FLNA: variants seen among roughly 807,000 people sequenced by gnomAD.
FLNA encodes filamin A.
FLNA carries 7 observed loss-of-function variants against 157.6 expected under a neutral mutation model. That is an observed-to-expected ratio of 0.04 (90% CI 0.03 to 0.08). The LOEUF is 0.08. FLNA is among the 10% of genes least tolerant of loss of function. The probability of loss-of-function intolerance (pLI) is 1.00; values close to 1 mark genes in which losing one functional copy is unlikely to be tolerated. For synonymous variants in FLNA, 1,103 were observed against 1,060.8 expected (o/e 1.04, Z -0.77); for missense variants, 1,750 against 2,398.4 (o/e 0.73, Z 5.65).
intron 2 of FLNA, among the ~76,000 whole-genome samples, chrX:154,370,421 G>A (rs948154272): frequency 3.6e-5 from 4 of 112,304 alleles, no homozygotes; most frequent in African/African-American, 1.3e-4. Context: ...CAGACAATGG[G>A]ACGCACGAGC....
At chrX:154,357,046 G>T (rs1378693733) in intron 30 of FLNA, among the ~76,000 whole-genome samples, 1 of 112,121 alleles carries the variant, frequency 8.9e-6, no homozygotes, top group Non-Finnish European at 1.9e-5. Context: ...CCAGAGAGGG[G>T]AAGAGCTGGA....
At chrX:154,362,841 C>T (rs902391112) in intron 15 of FLNA, 57 bp from the exon 16 acceptor site, 185 of 1,135,591 alleles carry the variant, frequency 1.6e-4, no homozygotes, top group Middle Eastern at 3.1e-4. Context: ...GACTCAGAAG[C>T]TCCCTCAGCT....
At position 154,367,787 on chromosome X, in the gene FLNA, A is replaced by G. The variant is rs181247931; in HGVS notation, c.623-49T>C. 5.4e-4 allele frequency: 651 copies of G among 1,208,555 alleles called. 4 individuals are homozygous for G. In the African/African-American group the frequency reaches 9.6e-3, roughly 18 times the overall value. On this transcript the variant is annotated intron_variant, in intron 3 of 47. Transcript: ENST00000369850. ...GTCTGGGGGCCGCAGAACCCCCTCA[A>G]GGGCCACCCATGGGTGACCCCAGCC...
chrX:154,357,471 G>A lies in FLNA; in HGVS notation c.4908C>T (p.Ala1636=), dbSNP rs367979917. 1.0e-4 allele frequency: 127 copies of A among 1,209,567 alleles called. No homozygotes were observed. Among genetic ancestry groups the A allele is most frequent in the Non-Finnish European group, 1.3e-4 (113 of 894,206 alleles). Residue 1636 remains alanine (A), a synonymous_variant, in exon 29 of 48, where the codon GCC becomes GCT. Coordinates refer to ENST00000369850, the MANE Select transcript of FLNA (RefSeq NM_001110556.2). The part of the protein sequence containing the change: ...EIPFSPYRVR[A]VPTGDASKCT... ...ACTTGCTGGCGTCCCCGGTGGGCAC[G>A]GCACGCACGCGGTACGGGGAGAAGG...
rs1603362189 is a variant in FLNA, at chrX:154,364,012, G to A, written c.2280+10C>T. 1 of 1,210,140 alleles carries A rather than the reference G, an allele frequency of 8.3e-7. No homozygotes were observed. Among genetic ancestry groups the A allele is most frequent in the Admixed American group, 2.2e-5 (1 of 46,133 alleles). The stretch of plus-strand genomic sequence containing the variant: ...CGAGATGGACTAAAGGCCGGTGGAG[G>A]TTGGCTCACCCTGAAGGGGCTGTTG... On this transcript the variant is annotated intron_variant, in intron 15 of 47. Coordinates refer to ENST00000369850, the MANE Select transcript of FLNA (RefSeq NM_001110556.2).
Position 154,366,224 on chromosome X carries a change from C to G in FLNA, c.1229G>C (p.Gly410Ala). The change falls in exon 9 of 48, where the codon GGA becomes GCA. Residue 410 changes from glycine to alanine, a missense_variant and splice_region_variant. Gly to Ala is a moderately conservative substitution (Grantham distance 60). Around this residue, in one of 5 missense-constraint regions of FLNA, gnomAD observed 648 missense variants for 805.8 expected, o/e 0.80. Transcript: ENST00000369850. The stretch of plus-strand genomic sequence containing the variant: ...AACCTCGACCTCGCCCGTGCCAGCT[C>G]CTGCCACGAGGCACCTGCTCAGCTC... Reference protein sequence around the residue: ...KTTYFEIFTAGAGTGEVEVVI... With the variant: ...KTTYFEIFTAAAGTGEVEVVI... The G allele has an allele frequency of 8.3e-7, 1 of 1,211,081 alleles. No homozygotes were observed. The highest frequency in any genetic ancestry group is 1.1e-6 in the Non-Finnish European group (1 of 895,384).
chrX:154,350,504 C>T (rs990014476), intron 44 of FLNA: 2 of 403,645 alleles, frequency 5.0e-6, no homozygotes. Flanking sequence ...TGTTAACAGG[C>T]TCAGAGACGG....
chrX:154,359,287 G>A lies in FLNA; in HGVS notation c.4262C>T (p.Thr1421Ile), dbSNP rs782528716. 2 of 1,211,142 alleles carry A rather than the reference G, an allele frequency of 1.7e-6. No individual in the cohort carries two copies. The highest frequency in any genetic ancestry group is 3.0e-5 in the East Asian group (1 of 33,856). ...SVEYIPYEAG[T>I]YSLNVTYGGH... ...ACCATAGGTGACGTTGAGGCTGTAG[G>A]TGCCAGCCTCATAAGGGATGTACTC... is the stretch of plus-strand genomic sequence containing the variant. The change falls in exon 25 of 48, where the codon ACC (threonine) becomes ATC (isoleucine). Residue 1421 changes from threonine to isoleucine, a missense_variant. Physicochemically the swap from Thr to Ile is moderately conservative, Grantham distance 89 (BLOSUM62 -1). This residue lies in a region of FLNA where 970 missense variants were observed against 1,302.6 expected (regional missense o/e 0.74). Transcript: ENST00000369850.
In FLNA at chrX:154,354,637, G is replaced by A. The variant is rs1027131950; in HGVS notation, c.5292C>T (p.Ala1764=). ...SQQLAPQYTY[A]QGGQQTWAPE... Reference sequence around the variant, plus strand: ...GTACCCAAGTCTGCTGGCCGCCCTGGGCGTAGGTGTACTGTGGGGCCAGCT... The same window carrying A: ...GTACCCAAGTCTGCTGGCCGCCCTGAGCGTAGGTGTACTGTGGGGCCAGCT... Residue 1764 remains alanine (A), a synonymous_variant, in exon 32 of 48, where the codon GCC becomes GCT. Transcript: ENST00000369850. 11 of 1,203,782 alleles carry A rather than the reference G, an allele frequency of 9.1e-6. No individual in the cohort carries two copies. The highest frequency in any genetic ancestry group is 9.0e-5 in the East Asian group (3 of 33,459).
intron 21 of FLNA, 77 bp downstream of exon 21, chrX:154,361,230 TG>T (rs2067708780): frequency 2.0e-6 from 2 of 984,330 alleles, no homozygotes; most frequent in African/African-American, 2.0e-5. Flanking sequence ...AGGGCAGGTC[TG>T]GAGAAGATGG....
At chrX:154,360,775 G>A (rs1234278052) in intron 21 of FLNA, among the ~76,000 whole-genome samples, 188 bp from the exon 22 acceptor site, 3 of 111,483 alleles carry the variant, frequency 2.7e-5, no homozygotes, top group South Asian at 3.7e-4. Flanking sequence ...GGCAGGGCGC[G>A]GTCACTCACG....
In FLNA at chrX:154,362,348, G is replaced by A. The variant is rs782205075; in HGVS notation, c.2566-16C>T. On this transcript the variant is annotated splice_polypyrimidine_tract_variant and intron_variant, in intron 17 of 47. Coordinates refer to ENST00000369850, the MANE Select transcript of FLNA (RefSeq NM_001110556.2). ...TGGGCGTGGCCTGCAGGCAGTGGGA[G>A]GAGAAGGCCTTAGAGGAGGGCAGAC... The A allele has an allele frequency of 2.5e-6, 3 of 1,207,672 alleles. No homozygotes were observed. The Admixed American group carries it at 6.5e-5, about 26-fold the overall frequency.
chrX:154,348,772 G>T lies in FLNA; in HGVS notation c.*77C>A. On this transcript the variant is annotated 3_prime_UTR_variant, in exon 48 of 48. Coordinates refer to ENST00000369850, the MANE Select transcript of FLNA (RefSeq NM_001110556.2). Reference sequence around the variant, plus strand: ...CGGGCGGCCAGGGCGGCCTGGGCCGGGGTTGAGGGGAAGAGGGCGGGGCTG... The same window carrying T: ...CGGGCGGCCAGGGCGGCCTGGGCCGTGGTTGAGGGGAAGAGGGCGGGGCTG... 9.8e-7 allele frequency: 1 copy of T among 1,015,300 alleles called. No individual in the cohort carries two copies. Among genetic ancestry groups the T allele is most frequent in the Non-Finnish European group, 1.3e-6 (1 of 742,712 alleles). 83.7% of individuals were successfully genotyped at this position (1,015,300 alleles called of 1,213,427 possible).
intron 30 of FLNA, among the ~76,000 whole-genome samples, chrX:154,355,871 TGTGAGGCCTGGCA>T (rs1943836634): frequency 8.9e-6 from 1 of 112,805 alleles, no homozygotes; most frequent in Non-Finnish European, 1.9e-5. Context: ...GGCTGTGGGC[TGTGAGGCCTGGCA>T]GTGAGAGTGC....
intron 14 of FLNA, 31 bp from the exon 15 acceptor site, chrX:154,364,196 T>C (rs1403223911): frequency 8.3e-7 from 1 of 1,210,848 alleles, no homozygotes; most frequent in African/African-American, 1.7e-5. Flanking sequence ...GGTGGCCTGC[T>C]GGTCAGTGCC....
At position 154,358,093 on chromosome X, in the gene FLNA, G is replaced by A; in HGVS notation, c.4755+106C>T. ...AAAGACAGGGGCCCTGTCCTTCCCT[G>A]CCCTCCTTGGTGCAGCTCCGCAGGG... On this transcript the variant is annotated intron_variant, in intron 28 of 47. Coordinates refer to ENST00000369850, the MANE Select transcript of FLNA (RefSeq NM_001110556.2). 4 of 929,906 alleles carry A rather than the reference G, an allele frequency of 4.3e-6. No homozygotes were observed. The South Asian group carries it at 5.9e-5, about 14-fold the overall frequency. 76.6% of individuals were successfully genotyped at this position (929,906 alleles called of 1,213,427 possible).
At chrX:154,368,124 G>A (rs373365887) in intron 2 of FLNA, 34 bp from the exon 3 acceptor site, 6 of 1,209,964 alleles carry the variant, frequency 5.0e-6, no homozygotes, top group South Asian at 1.8e-5. Flanking sequence ...CTGGGCACAC[G>A]GCTGTGCGGG....
rs782264312 is a variant in FLNA, at chrX:154,366,375, T to C, written c.1161A>G (p.Gln387=). 2 of 1,210,890 alleles carry C rather than the reference T, an allele frequency of 1.7e-6. No individual in the cohort carries two copies. Among genetic ancestry groups the C allele is most frequent in the African/African-American group, 1.7e-5 (1 of 57,454 alleles). Residue 387 remains glutamine, a synonymous_variant, in exon 8 of 48, where the codon CAA becomes CAG. Coordinates refer to ENST00000369850, the MANE Select transcript of FLNA (RefSeq NM_001110556.2). ...TGCCACTGGGCTCCAGGCCGGGACC[T>C]TGGGCTGTCACTTTGCTGGCGTCAC... is the stretch of plus-strand genomic sequence containing the variant. ...SQGDASKVTA[Q]GPGLEPSGNI... is the part of the protein sequence containing the mutation.
rs2067686838 is a variant in FLNA at position 154,359,376 on chromosome X, A to G, written c.4173T>C (p.Ala1391=). 1.7e-6 allele frequency: 2 copies of G among 1,209,999 alleles called. No individual in the cohort carries two copies. Among genetic ancestry groups the G allele is most frequent in the Non-Finnish European group, 1.1e-6 (1 of 895,289 alleles). ...RGAGTGGLGL[A]VEGPSEAKMS... The stretch of plus-strand genomic sequence containing the variant: ...TCTTGGCCTCGGAGGGGCCCTCTAC[A>G]GCCAGGCCCAGGCCGCCCGTGCCAG... Residue 1391 remains alanine, a synonymous_variant, in exon 25 of 48, where the codon GCT becomes GCC. Transcript: ENST00000369850.
Sources: gnomAD v4.1 joint callset for allele counts (sites outside exome capture counted in the v4.1 genomes callset) on GRCh38, gnomAD v4.1.1 for gene constraint, gnomAD v4.1.1 regional missense constraint, MANE v1.5 for transcripts, NCBI Gene and HGNC (gene_info 2026-07-23, HGNC 2026-07-21) for gene names.